The following GALNT13 variants were observed in gnomAD, a reference collection of about 807,000 sequenced individuals.
GALNT13 encodes the protein polypeptide N-acetylgalactosaminyltransferase 13, also known as UDP-GalNAc:polypeptide N-acetylgalactosaminyltransferase 13.
Under a neutral mutation model 64.2 loss-of-function variants are expected in GALNT13, and 28 were observed. That is an observed-to-expected ratio of 0.44 (90% CI 0.32 to 0.60). The LOEUF is 0.60. Among genes scored for constraint, GALNT13 ranks in the 20% least tolerant of loss-of-function variants. The pLI is 0.05. For missense variants in GALNT13, 577 were observed against 669.8 expected, an observed-to-expected ratio of 0.86 and a Z score of 1.53; for synonymous variants, 214 against 224.6, an observed-to-expected ratio of 0.95 and a Z score of 0.42.
chr2:153,916,224 C>T (rs548581344), intron 2 of GALNT13, among the ~76,000 whole-genome samples: 3 of 149,648 alleles, frequency 2.0e-5, no homozygotes, highest in African/African-American at 4.9e-5. Flanking sequence ...GTGGCACAAT[C>T]ATAGCTCACT....
At chr2:153,943,040 G>A (rs776879) in intron 2 of GALNT13, among the ~76,000 whole-genome samples, 43 of 152,116 alleles carry the variant, frequency 2.8e-4, no homozygotes, top group African/African-American at 9.2e-4. Flanking sequence ...CATTTTACTC[G>A]ATATTATTTA....
the GALNT13 span, among the ~76,000 whole-genome samples, chr2:153,713,789 A>G: frequency 3.9e-5 from 6 of 152,188 alleles, no homozygotes; most frequent in African/African-American, 1.2e-4. Flanking sequence ...TAGCCAGGCT[A>G]TGTCTTTTAA....
the GALNT13 span, among the ~76,000 whole-genome samples, chr2:153,166,659 G>A: frequency 4.7e-5 from 7 of 149,126 alleles, no homozygotes; most frequent in East Asian, 1.4e-3. Context: ...GTGTGTGTGT[G>A]TGTGTGTGTG....
intron 4 of GALNT13, chr2:154,236,305 A>G: frequency 3.2e-6 from 1 of 317,038 alleles, no homozygotes; most frequent in Non-Finnish European, 4.7e-6. Context: ...TTTATGGTAA[A>G]GTACTTGAGT....
At chr2:153,815,839 TAAGAA>T in the GALNT13 span, among the ~76,000 whole-genome samples, 2 of 152,240 alleles carry the variant, frequency 1.3e-5, no homozygotes, top group East Asian at 3.8e-4. Context: ...TCTTTTGTAT[TAAGAA>T]AAGTCTTCAC....
chr2:153,432,241 C>T, the GALNT13 span, among the ~76,000 whole-genome samples: 1 of 152,140 alleles, frequency 6.6e-6, no homozygotes, highest in Admixed American at 6.6e-5. Flanking sequence ...TATCTAAAAG[C>T]CACAGGATAG....
At chr2:153,152,851 T>C in the GALNT13 span, among the ~76,000 whole-genome samples, 2 of 152,206 alleles carry the variant, frequency 1.3e-5, no homozygotes, top group South Asian at 4.1e-4. Flanking sequence ...CTATTGTGAA[T>C]AGAGCTGCAA....
intron 3 of GALNT13, among the ~76,000 whole-genome samples, chr2:153,945,887 A>G (rs533237286): frequency 6.6e-6 from 1 of 152,254 alleles, no homozygotes; most frequent in South Asian, 2.1e-4. Flanking sequence ...TGGAACTTGC[A>G]TTTTAGATTT....
At chr2:154,157,936 T>C (rs1246480180) in intron 4 of GALNT13, among the ~76,000 whole-genome samples, 1 of 152,162 alleles carries the variant, frequency 6.6e-6, no homozygotes, top group African/African-American at 2.4e-5. Flanking sequence ...TTTCTGGTGA[T>C]TCCTTCCCTT....
chr2:154,015,023 TAAAAC>T (rs994134334), intron 3 of GALNT13, among the ~76,000 whole-genome samples: 5 of 152,040 alleles, frequency 3.3e-5, no homozygotes, highest in African/African-American at 1.2e-4. Context: ...AATAGAAAAA[TAAAAC>T]AAAACATGCA....
At chr2:154,361,336 C>T (rs1282872627) in intron 9 of GALNT13, among the ~76,000 whole-genome samples, 1 of 152,062 alleles carries the variant, frequency 6.6e-6, no homozygotes. Context: ...AGCTCCAATT[C>T]TGATACTGTT....
chr2:154,220,349 TA>T (rs1688261333), intron 4 of GALNT13, among the ~76,000 whole-genome samples: 1 of 152,078 alleles, frequency 6.6e-6, no homozygotes, highest in Non-Finnish European at 1.5e-5. Flanking sequence ...TTAAGATTAG[TA>T]AAAATCTTGG....
At chr2:153,501,075 A>AAAT in the GALNT13 span, among the ~76,000 whole-genome samples, 1 of 151,740 alleles carries the variant, frequency 6.6e-6, no homozygotes, top group East Asian at 1.9e-4. Flanking sequence ...AAAAAAAAAA[A>AAAT]ATATATAAAT....
the GALNT13 span, among the ~76,000 whole-genome samples, chr2:153,371,253 C>T: frequency 2.0e-4 from 30 of 152,160 alleles, no homozygotes; most frequent in African/African-American, 6.5e-4. Flanking sequence ...AAACACTAAA[C>T]GTTTTCCCTC....
intron 11 of GALNT13, among the ~76,000 whole-genome samples, chr2:154,409,808 G>T (rs2105394518): frequency 6.6e-6 from 1 of 152,026 alleles, no homozygotes; most frequent in Non-Finnish European, 1.5e-5. Flanking sequence ...TTATCCAGAG[G>T]TAGAATTTCT....
chr2:153,810,475 CTGAA>C, the GALNT13 span, among the ~76,000 whole-genome samples: 1 of 152,156 alleles, frequency 6.6e-6, no homozygotes, highest in African/African-American at 2.4e-5. Flanking sequence ...CACAAGTTCA[CTGAA>C]TGAATGTGTT....
At chr2:154,442,161 T>A (rs1004125946) in intron 12 of GALNT13, among the ~76,000 whole-genome samples, 3 of 152,160 alleles carry the variant, frequency 2.0e-5, no homozygotes, top group African/African-American at 7.2e-5. Context: ...CTCATTTTTT[T>A]AATAGGGGGA....
chr2:153,251,959 G>T, the GALNT13 span, among the ~76,000 whole-genome samples: 4 of 152,000 alleles, frequency 2.6e-5, no homozygotes, highest in South Asian at 8.3e-4. Context: ...ATAGCAGCAT[G>T]ATTTATAGTC....
At chr2:153,367,869 A>G in the GALNT13 span, among the ~76,000 whole-genome samples, 2 of 152,104 alleles carry the variant, frequency 1.3e-5, no homozygotes, top group Non-Finnish European at 2.9e-5. Flanking sequence ...TTCTCAATTA[A>G]TATAAAAGAA....
Sources: gnomAD v4.1 joint callset for allele counts (sites outside exome capture counted in the v4.1 genomes callset) on GRCh38, gnomAD v4.1.1 for gene constraint, MANE v1.5 for transcripts, NCBI Gene and HGNC (gene_info 2026-07-23, HGNC 2026-07-21) for gene names.